The following MYO15A variants were observed in gnomAD, a reference collection of about 807,000 sequenced individuals.
MYO15A encodes myosin XVA, also known as unconventional myosin-XV.
Under a neutral mutation model 394.6 loss-of-function variants are expected in MYO15A, and 308 were observed. The ratio of observed to expected loss-of-function variants is 0.78; its 90% CI spans 0.71 to 0.86. MYO15A has a LOEUF of 0.86. Ranked by LOEUF, MYO15A falls within the 40% of genes least tolerant of loss-of-function variation. The probability of loss-of-function intolerance (pLI) is 0.00; values close to 1 mark genes in which losing one functional copy is unlikely to be tolerated. For missense variants in MYO15A, 4,606 were observed against 4,799.1 expected (o/e 0.96, Z 1.19); for synonymous variants, 1,957 against 2,003.8 (o/e 0.98, Z 0.62).
At position 18,121,452 on chromosome 17, in the gene MYO15A, G is replaced by A; in HGVS notation, c.2652G>A (p.Lys884=). The change falls in exon 2 of 66, where the codon AAG becomes AAA. Residue 884 remains lysine, a synonymous_variant. Coordinates refer to ENST00000647165, the MANE Select transcript of MYO15A (RefSeq NM_016239.4). This position sits in a 1 kb window ranked among gnomAD's most constrained non-coding sequence, Gnocchi z 5.3. The stretch of plus-strand genomic sequence containing the variant: ...GCGAGCCACCCACTCGGGCTGTGAA[G>A]CCGCAAGTGCGCCTGCCCTTCCACC... ...RLSEPPTRAV[K]PQVRLPFHRP... 1 of 1,548,550 alleles carries A rather than the reference G, an allele frequency of 6.5e-7. No individual in the cohort carries two copies. The highest frequency in any genetic ancestry group is 8.7e-7 in the Non-Finnish European group (1 of 1,146,830).
chr17:18,115,456 TA>T (rs2045771828), intron 1 of MYO15A, among the ~76,000 whole-genome samples: 1 of 152,130 alleles, frequency 6.6e-6, no homozygotes, highest in Non-Finnish European at 1.5e-5. Flanking sequence ...CTGTCTCTAC[TA>T]AAAATACAAA....
At position 18,120,729 on chromosome 17, in the gene MYO15A, C is replaced by G; in HGVS notation, c.1929C>G (p.Arg643=). 1 of 1,475,222 alleles carries G rather than the reference C, an allele frequency of 6.8e-7. No individual in the cohort carries two copies. Among genetic ancestry groups the G allele is most frequent in the East Asian group, 2.8e-5 (1 of 35,794 alleles). 91.4% of individuals were successfully genotyped at this position (1,475,222 alleles called of 1,614,324 possible). ...PRARSSNDAR[R]PPAPQPAPRT... ...CTCGCAGCAGCAACGACGCGCGCCG[C>G]CCGCCCGCGCCACAGCCCGCGCCCA... The change falls in exon 2 of 66, where the codon CGC becomes CGG. Residue 643 remains arginine, a synonymous_variant. Coordinates refer to ENST00000647165, the MANE Select transcript of MYO15A (RefSeq NM_016239.4).
At chr17:18,134,798 T>C (rs572350026) in intron 12 of MYO15A, among the ~76,000 whole-genome samples, 1 of 152,374 alleles carries the variant, frequency 6.6e-6, no homozygotes, top group East Asian at 1.9e-4. Flanking sequence ...TTATGTCTAA[T>C]TCCAGACGTT....
intron 42 of MYO15A, among the ~76,000 whole-genome samples, chr17:18,152,953 C>T (rs2046608563): frequency 6.6e-6 from 1 of 152,232 alleles, no homozygotes; most frequent in African/African-American, 2.4e-5. Flanking sequence ...CATCCTAAAC[C>T]ACCCTGCTTT....
Position 18,154,121 on chromosome 17 carries a change from G to A in MYO15A, c.8089-10G>A, listed in dbSNP as rs1328896401. On this transcript the variant is annotated splice_polypyrimidine_tract_variant and intron_variant, in intron 43 of 65. Coordinates refer to ENST00000647165, the MANE Select transcript of MYO15A (RefSeq NM_016239.4). Reference sequence around the variant, plus strand: ...GTCGGACAGTACCCACTGAAGCCCCGCCCCTGCAGGTGTTTTACCCCAAGG... The same window carrying A: ...GTCGGACAGTACCCACTGAAGCCCCACCCCTGCAGGTGTTTTACCCCAAGG... 3 of 1,613,878 alleles carry A rather than the reference G, an allele frequency of 1.9e-6. No individual in the cohort carries two copies. The highest frequency in any genetic ancestry group is 4.5e-5 in the East Asian group (2 of 44,878).
intron 17 of MYO15A, 25 bp from the exon 18 acceptor site, chr17:18,138,786 C>T (rs1467635895): frequency 6.2e-7 from 1 of 1,612,832 alleles, no homozygotes. Flanking sequence ...TCCTGCCCAC[C>T]CACTGATCCC....
At chr17:18,125,366 C>G (rs1197193615) in intron 4 of MYO15A, 135 bp downstream of exon 4, 5 of 880,362 alleles carry the variant, frequency 5.7e-6, no homozygotes, top group Non-Finnish European at 1.9e-6. Context: ...GAGCCTAGAA[C>G]TAAAATCTGA....
At chr17:18,175,942 G>A (rs1257132738) in intron 65 of MYO15A, among the ~76,000 whole-genome samples, 1 of 151,992 alleles carries the variant, frequency 6.6e-6, no homozygotes, top group African/African-American at 2.4e-5. Flanking sequence ...CCTGCCCTGG[G>A]CCCTCTGCCC....
intron 62 of MYO15A, among the ~76,000 whole-genome samples, chr17:18,168,273 CAG>C (rs1259455577): frequency 6.6e-6 from 1 of 151,840 alleles, no homozygotes; most frequent in African/African-American, 2.4e-5. Flanking sequence ...TTTGTAGAAA[CAG>C]GGTCTTGTGG....
rs1178441624 is a variant in MYO15A at position 18,122,160 on chromosome 17, T to C, written c.3360T>C (p.Arg1120=). The change falls in exon 2 of 66, where the codon CGT becomes CGC. Residue 1120 remains arginine, a synonymous_variant. Transcript: ENST00000647165. The part of the protein sequence containing the change: ...APGRFAVVMP[R]VQKLSSFQRV... ...GGCGTTTTGCTGTGGTCATGCCTCG[T>C]GTGCAGAAGCTGAGCTCTTTCCAGC... is the stretch of plus-strand genomic sequence containing the variant. The C allele has an allele frequency of 1.2e-6, 2 of 1,613,062 alleles. No individual in the cohort carries two copies. Among genetic ancestry groups the C allele is most frequent in the South Asian group, 2.2e-5 (2 of 91,088 alleles).
In MYO15A at chr17:18,136,618, G is replaced by A. The variant is rs767445125; in HGVS notation, c.4711G>A (p.Val1571Ile). 6.2e-7 allele frequency: 1 copy of A among 1,613,820 alleles called. No homozygotes were observed. The highest frequency in any genetic ancestry group is 1.1e-5 in the South Asian group (1 of 91,090). The change falls in exon 15 of 66, where the codon GTC becomes ATC. Residue 1571 changes from valine to isoleucine, a missense_variant. Val to Ile is a conservative substitution (Grantham distance 29). Transcript: ENST00000647165. The part of the protein sequence containing the change: ...ALLFSWLITR[V>I]NALVSPRQDT... ...GCTGTTCAGCTGGCTCATCACCAGG[G>A]TCAACGCGCTGGTGTCCCCAAGGCA...
In MYO15A at chr17:18,121,144, A is replaced by G; in HGVS notation, c.2344A>G (p.Ser782Gly). 6.6e-7 allele frequency: 1 copy of G among 1,510,150 alleles called. No homozygotes were observed. Among genetic ancestry groups the G allele is most frequent in the South Asian group, 1.2e-5 (1 of 81,598 alleles). The allele number at this position is 1,510,150 out of a possible 1,614,324, so 93.5% of individuals were successfully genotyped here. A position where few individuals can be genotyped will look rare whatever the true frequency, so the allele number is the denominator to read the frequency against. The change falls in exon 2 of 66, where the codon AGC (serine) becomes GGC (glycine). Residue 782 changes from serine to glycine, a missense_variant. Ser to Gly is a moderately conservative substitution (Grantham distance 56, BLOSUM62 0). Transcript: ENST00000647165. The surrounding 1 kb of genome is among the most constrained non-coding windows in gnomAD (Gnocchi z 5.3). ...GGCCTCGCCCCAGCCCTCGCTGAGG[A>G]GCTCGCCGGGCCTCGGCTACTGCTC... ...PLASPQPSLR[S>G]SPGLGYCSPL...
chr17:18,154,468 G>A (rs942657810), intron 44 of MYO15A, among the ~76,000 whole-genome samples: 2 of 152,182 alleles, frequency 1.3e-5, no homozygotes, highest in Non-Finnish European at 2.9e-5. Flanking sequence ...GGAAACGGTG[G>A]CCTAGGAAGG....
chr17:18,178,288 T>G, intron 65 of MYO15A: 2 of 264,604 alleles, frequency 7.6e-6, no homozygotes, highest in Non-Finnish European at 1.5e-5. Context: ...GAGAATCGCT[T>G]AAACCTGGGA....
Position 18,179,712 on chromosome 17 carries a change from C to G in MYO15A, c.*842C>G, listed in dbSNP as rs2047062624. The G allele has an allele frequency of 6.6e-6, 1 of 152,248 alleles. No individual in the cohort carries two copies. The highest frequency in any genetic ancestry group is 2.4e-5 in the African/African-American group (1 of 41,442). The allele number at this position is 152,248 out of a possible 1,614,324, so 9.4% of individuals were successfully genotyped here. On this transcript the variant is annotated 3_prime_UTR_variant, in exon 66 of 66. Transcript: ENST00000647165. ...AAATCATGTTTATTCCCTGCTGTAT[C>G]TTCCAGAACCTAGGAGGATGCCTAA...
In MYO15A at chr17:18,147,964, G is replaced by T. The variant is rs575158151; in HGVS notation, c.6510-65G>T. 32 of 1,597,414 alleles carry T rather than the reference G, an allele frequency of 2.0e-5. No individual in the cohort carries two copies. Among genetic ancestry groups the T allele is most frequent in the Non-Finnish European group, 2.7e-5 (32 of 1,166,114 alleles). On this transcript the variant is annotated intron_variant, in intron 30 of 65. Coordinates refer to ENST00000647165, the MANE Select transcript of MYO15A (RefSeq NM_016239.4). This position sits in a 1 kb window ranked among gnomAD's most constrained non-coding sequence, Gnocchi z 4.4. ...CCTCAGAATTTCCTACCCCCACCCC[G>T]CAGCCCTCAGCCCCAAGCTAGCTTC... is the stretch of plus-strand genomic sequence containing the variant.
At chr17:18,141,794 C>T in intron 23 of MYO15A, 24 bp downstream of exon 23, 1 of 1,610,010 alleles carries the variant, frequency 6.2e-7, no homozygotes, top group Non-Finnish European at 8.5e-7. Context: ...GACAGTCAGC[C>T]CTTGGAGACC....
At position 18,153,724 on chromosome 17, in the gene MYO15A, A is replaced by G; in HGVS notation, c.7967-51A>G. On this transcript the variant is annotated intron_variant, in intron 42 of 65. Coordinates refer to ENST00000647165, the MANE Select transcript of MYO15A (RefSeq NM_016239.4). This position sits in a 1 kb window ranked among gnomAD's most constrained non-coding sequence, Gnocchi z 4.1. ...AAAAATATATATATATATTAATTAA[A>G]TAAAAAAACGAGGTGCCTTCTCCTG... 6.4e-7 allele frequency: 1 copy of G among 1,567,374 alleles called. No homozygotes were observed. The highest frequency in any genetic ancestry group is 1.2e-5 in the South Asian group (1 of 86,272).
chr17:18,129,432 C>A (rs1039799757), intron 7 of MYO15A, among the ~76,000 whole-genome samples: 1 of 152,200 alleles, frequency 6.6e-6, no homozygotes, highest in African/African-American at 2.4e-5. Flanking sequence ...CAGGCCAGCC[C>A]CATCCCTCTC....
Sources: allele counts gnomAD v4.1 joint callset (sites outside exome capture counted in the v4.1 genomes callset), GRCh38; gene constraint gnomAD v4.1.1; non-coding constraint Gnocchi (gnomAD v3.1); transcripts MANE v1.5; gene names NCBI Gene and HGNC (gene_info 2026-07-23, HGNC 2026-07-21).